CCDC15: variants seen among roughly 807,000 people sequenced by gnomAD.
CCDC15 encodes the protein coiled-coil domain containing 15.
In CCDC15, 105 loss-of-function variants were observed where a neutral mutation model predicts 114.5. That is an observed-to-expected ratio of 0.92 (90% CI 0.78 to 1.08). The LOEUF is 1.08. Ranked by LOEUF, CCDC15 falls within the 50% of genes least tolerant of loss-of-function variation. The pLI is 0.00. For synonymous variants in CCDC15, 334 were observed against 377.8 expected, an observed-to-expected ratio of 0.88 and a Z score of 1.34; for missense variants, 1,105 against 1,093.6, an observed-to-expected ratio of 1.01 and a Z score of -0.15.
At chr11:125,011,674 T>A (rs1948594338) in intron 13 of CCDC15, among the ~76,000 whole-genome samples, 1 of 152,230 alleles carries the variant, frequency 6.6e-6, no homozygotes, top group Non-Finnish European at 1.5e-5. Flanking sequence ...ATTCGTGGGA[T>A]AACTGATTTA....
intron 2 of CCDC15, among the ~76,000 whole-genome samples, chr11:124,958,080 A>C (rs1427462543): frequency 6.6e-6 from 1 of 152,216 alleles, no homozygotes; most frequent in Non-Finnish European, 1.5e-5. Flanking sequence ...ACCTACTGCC[A>C]AAGGTGGTTT....
At chr11:124,955,638 G>A (rs1010094435) in intron 2 of CCDC15, among the ~76,000 whole-genome samples, 2 of 152,114 alleles carry the variant, frequency 1.3e-5, no homozygotes, top group Non-Finnish European at 2.9e-5. Flanking sequence ...TTTATGAAAG[G>A]CACAAAATGT....
At chr11:125,023,296 G>A (rs564736589) in intron 13 of CCDC15, among the ~76,000 whole-genome samples, 16 of 151,876 alleles carry the variant, frequency 1.1e-4, no homozygotes, top group Admixed American at 8.5e-4. Context: ...AACAAACAAC[G>A]AAAGAGAAGA....
chr11:125,028,091 T>C lies in CCDC15; in HGVS notation c.2412-10340T>C, dbSNP rs187745690. Among the ~76,000 whole-genome samples, 273 of 152,348 alleles carry C rather than the reference T, an allele frequency of 1.8e-3. 1 individual carries two copies. Among genetic ancestry groups the C allele is most frequent in the Admixed American group, 0.011 (170 of 15,296 alleles). Reference sequence around the variant, plus strand: ...GGTTCTCTATTGTGTTCCATTGGTCTATGTGCCTGTACTATGTATGTACTA... The same window carrying C: ...GGTTCTCTATTGTGTTCCATTGGTCCATGTGCCTGTACTATGTATGTACTA... On this transcript the variant is annotated intron_variant, in intron 13 of 15. Coordinates refer to ENST00000344762, the MANE Select transcript of CCDC15 (RefSeq NM_025004.3).
At chr11:124,969,998 G>A (rs998564423) in intron 4 of CCDC15, among the ~76,000 whole-genome samples, 3 of 147,754 alleles carry the variant, frequency 2.0e-5, no homozygotes, top group Non-Finnish European at 4.5e-5. Flanking sequence ...GTCTAAGATC[G>A]AGGGGTTTCC....
chr11:124,959,877 A>C lies in CCDC15; in HGVS notation c.390A>C (p.Thr130=), dbSNP rs756766330. The C allele has an allele frequency of 2.5e-6, 4 of 1,597,888 alleles. No homozygotes were observed. Among genetic ancestry groups the C allele is most frequent in the South Asian group, 1.1e-5 (1 of 88,306 alleles). ...CAACACACTTAACTTCCAAAAGGAC[A>C]AGTGTTTTTCCAAACAATTTGAATG... The part of the protein sequence containing the change: ...SSATHLTSKR[T]SVFPNNLNVA... The change falls in exon 4 of 16, where the codon ACA becomes ACC. Residue 130 remains threonine (T), a synonymous_variant. Transcript: ENST00000344762.
chr11:125,018,144 C>T (rs886389386), intron 13 of CCDC15, among the ~76,000 whole-genome samples: 5 of 152,118 alleles, frequency 3.3e-5, no homozygotes, highest in African/African-American at 7.2e-5. Flanking sequence ...CAGTGACTCA[C>T]CCAAAGCATC....
intron 13 of CCDC15, among the ~76,000 whole-genome samples, chr11:125,020,204 T>A (rs1948652921): frequency 6.6e-6 from 1 of 151,930 alleles, no homozygotes; most frequent in Non-Finnish European, 1.5e-5. Context: ...TTCCACCTCC[T>A]TGAGAAGTTA....
intron 5 of CCDC15, among the ~76,000 whole-genome samples, chr11:124,976,341 T>C (rs1290220291): frequency 6.6e-6 from 1 of 151,934 alleles, no homozygotes; most frequent in Non-Finnish European, 1.5e-5. Context: ...GTAATGTTTT[T>C]CTCTTTAATT....
At chr11:124,980,141 CT>C (rs1948044351) in intron 6 of CCDC15, among the ~76,000 whole-genome samples, 1 of 152,072 alleles carries the variant, frequency 6.6e-6, no homozygotes, top group Admixed American at 6.6e-5. Flanking sequence ...GGTGGATTAG[CT>C]TTTTGATGCA....
rs1452478401 is a variant in CCDC15 at position 125,005,153 on chromosome 11, TGA to T, written c.2359_2360del (p.Glu787ThrfsTer3). ...LRHRRLFMDI[E>X]REQVKEQQRQ... ...GACATAGACGACTTTTCATGGATAT[TGA>T]GAGAGAACAAGTTAAAGAACAACAA... On this transcript the variant is annotated frameshift_variant, in exon 13 of 16. Transcript: ENST00000344762. LOFTEE classifies it high-confidence loss of function. The T allele has an allele frequency of 6.4e-7, 1 of 1,574,090 alleles. No individual in the cohort carries two copies. The highest frequency in any genetic ancestry group is 8.6e-7 in the Non-Finnish European group (1 of 1,156,752).
intron 4 of CCDC15, among the ~76,000 whole-genome samples, chr11:124,973,352 T>A (rs1001570064): frequency 6.7e-6 from 1 of 150,044 alleles, no homozygotes; most frequent in Non-Finnish European, 1.5e-5. Flanking sequence ...GTCATGGGGC[T>A]ATTTTTTTTT....
chr11:124,955,031 A>G, intron 2 of CCDC15, 122 bp downstream of exon 2: 1 of 867,866 alleles, frequency 1.2e-6, no homozygotes, highest in South Asian at 1.8e-5. Context: ...TGCCATAAAT[A>G]GTTTATGCTC....
chr11:124,989,389 C>T (rs1232241945), intron 8 of CCDC15, among the ~76,000 whole-genome samples: 1 of 152,074 alleles, frequency 6.6e-6, no homozygotes, highest in Non-Finnish European at 1.5e-5. Context: ...TCACAAAGCA[C>T]AAGAAAAGTA....
chr11:124,964,231 G>A (rs1947725734), intron 4 of CCDC15, among the ~76,000 whole-genome samples: 1 of 152,128 alleles, frequency 6.6e-6, no homozygotes, highest in Admixed American at 6.5e-5. Context: ...ATTACCTTGG[G>A]CAGTATGGCC....
chr11:124,979,604 A>G (rs1311515973), intron 6 of CCDC15, among the ~76,000 whole-genome samples: 2 of 151,710 alleles, frequency 1.3e-5, no homozygotes, highest in Non-Finnish European at 3.0e-5. Flanking sequence ...GTGTATAGGA[A>G]TGCTACTGAT....
intron 5 of CCDC15, among the ~76,000 whole-genome samples, chr11:124,975,614 A>C (rs936825468): frequency 6.6e-6 from 1 of 152,162 alleles, no homozygotes; most frequent in Non-Finnish European, 1.5e-5. Flanking sequence ...CTAGTTGGGA[A>C]GCATATAATA....
In CCDC15 at chr11:124,959,381, T is replaced by G. The variant is rs902364817; in HGVS notation, c.327+117T>G. On this transcript the variant is annotated intron_variant, in intron 3 of 15. Coordinates refer to ENST00000344762, the MANE Select transcript of CCDC15 (RefSeq NM_025004.3). ...TGATTACATGCCTAATATAATCTAA[T>G]TAACTAGTGAAGACAGTAAATTTTT... is the stretch of plus-strand genomic sequence containing the variant. 35 of 862,380 alleles carry G rather than the reference T, an allele frequency of 4.1e-5. No homozygotes were observed. The African/African-American group carries it at 5.9e-4, about 15-fold the overall frequency. The allele number at this position is 862,380 out of a possible 1,614,324, so 53.4% of individuals were successfully genotyped here.
At position 124,992,983 on chromosome 11, in the gene CCDC15, CT is replaced by C. The variant is rs772618356; in HGVS notation, c.2140-175del. Among the ~76,000 whole-genome samples, 70 of 148,256 alleles carry C rather than the reference CT, an allele frequency of 4.7e-4. 1 individual carries two copies. Among genetic ancestry groups the C allele is most frequent in the Middle Eastern group, 3.5e-3 (1 of 284 alleles). ...TTGTTGAATCTTGAGATTCATTATA[CT>C]TTTTTTTTTTCTACTTTGATGCAAG... is the stretch of plus-strand genomic sequence containing the variant. On this transcript the variant is annotated intron_variant, in intron 10 of 15. Coordinates refer to ENST00000344762, the MANE Select transcript of CCDC15 (RefSeq NM_025004.3).
Sources: allele counts gnomAD v4.1 joint callset (sites outside exome capture counted in the v4.1 genomes callset), GRCh38; gene constraint gnomAD v4.1.1; transcripts MANE v1.5; gene names NCBI Gene and HGNC (gene_info 2026-07-23, HGNC 2026-07-21).